ACSM2A: variants seen among roughly 807,000 people sequenced by gnomAD.
The protein encoded by ACSM2A is acyl-coenzyme A synthetase ACSM2A, mitochondrial.
In ACSM2A, 72 loss-of-function variants were observed where a neutral mutation model predicts 76.6. The observed-to-expected ratio is 0.94, with a 90% confidence interval of 0.78 to 1.14. The LOEUF is 1.14. Ranked by LOEUF, ACSM2A falls within the 50% of genes most tolerant of loss-of-function variation. The pLI, the probability that ACSM2A is intolerant of heterozygous loss-of-function variation, is 0.00. For missense variants in ACSM2A, 684 were observed against 708.5 expected, an observed-to-expected ratio of 0.97 and a Z score of 0.39; for synonymous variants, 249 against 255.9, an observed-to-expected ratio of 0.97 and a Z score of 0.26.
At chr16:20,481,158 A>C (rs562401085) in intron 12 of ACSM2A, 208 of 542,540 alleles carry the variant, frequency 3.8e-4, no homozygotes, top group Admixed American at 1.0e-3. Context: ...TAAAGTACTT[A>C]AGTATGGTGA....
rs2014046472 is a variant in ACSM2A at position 20,480,918 on chromosome 16, A to T, written c.1506A>T (p.Gly502=). Residue 502 remains glycine, a synonymous_variant, in exon 12 of 14, where the codon GGA becomes GGT. Coordinates refer to ENST00000573854, the MANE Select transcript of ACSM2A (RefSeq NM_001308172.2). ...AVISSPDPVR[G]EVVKAFVVLA... is the part of the protein sequence containing the mutation. ...TCAGCAGCCCAGACCCCGTCCGAGG[A>T]GAGGTGATGGGGAAGCAGTAGCCTG... 6.2e-7 allele frequency: 1 copy of T among 1,613,830 alleles called. No homozygotes were observed. Among genetic ancestry groups the T allele is most frequent in the Admixed American group, 1.7e-5 (1 of 60,000 alleles).
rs761377242 is a variant in ACSM2A, at chr16:20,465,564, G to A, written c.225G>A (p.Lys75=). 1.7e-5 allele frequency: 28 copies of A among 1,613,712 alleles called. No homozygotes were observed. Among genetic ancestry groups the A allele is most frequent in the Non-Finnish European group, 1.7e-6 (2 of 1,179,772 alleles). The stretch of plus-strand genomic sequence containing the variant: ...CAGCCCTGTGGTGGGTGAATGGGAA[G>A]GGGAAGGAATTAATGTGGAATTTCA... The part of the protein sequence containing the change: ...PSPALWWVNG[K]GKELMWNFRE... The change falls in exon 3 of 14, where the codon AAG becomes AAA. Residue 75 remains lysine (K), a synonymous_variant. Coordinates refer to ENST00000573854, the MANE Select transcript of ACSM2A (RefSeq NM_001308172.2).
chr16:20,458,697 TA>T (rs1489722766), intron 1 of ACSM2A, among the ~76,000 whole-genome samples: 1 of 140,726 alleles, frequency 7.1e-6, no homozygotes, highest in Non-Finnish European at 1.5e-5. Context: ...TATCTGTCTA[TA>T]TATATATCAT....
intron 8 of ACSM2A, 131 bp downstream of exon 8, chr16:20,475,904 G>A (rs1284667608): frequency 2.0e-6 from 3 of 1,521,548 alleles, no homozygotes; most frequent in South Asian, 2.7e-5. Context: ...CTCTATGAAG[G>A]GACAGGTACT....
intron 2 of ACSM2A, among the ~76,000 whole-genome samples, 163 bp from the exon 3 acceptor site, chr16:20,465,354 T>C (rs548015569): frequency 5.9e-5 from 9 of 152,228 alleles, no homozygotes; most frequent in Admixed American, 6.5e-5. Flanking sequence ...ATAACTCATA[T>C]AAATAACAAG....
intron 4 of ACSM2A, among the ~76,000 whole-genome samples, chr16:20,470,332 G>T (rs2013307541): frequency 1.3e-5 from 2 of 152,140 alleles, no homozygotes; most frequent in African/African-American, 4.8e-5. Flanking sequence ...TCTAAGAGAG[G>T]CTGATCAAGG....
Position 20,469,676 on chromosome 16 carries a change from G to A in ACSM2A, c.553G>A (p.Glu185Lys), listed in dbSNP as rs559312334. ...TCTGAGAATTAAGCTACTGGTGTCT[G>A]AGAAAAGCTGTGATGGGTGGCTGAA... ...PSLRIKLLVSEKSCDGWLNFK... is the reference protein window; with the variant it reads ...PSLRIKLLVSKKSCDGWLNFK... The change falls in exon 4 of 14, where the codon GAG (glutamate) becomes AAG (lysine). Residue 185 changes from glutamate (E) to lysine (K), a missense_variant. Transcript: ENST00000573854. 2 of 1,613,848 alleles carry A rather than the reference G, an allele frequency of 1.2e-6. No individual in the cohort carries two copies. Among genetic ancestry groups the A allele is most frequent in the Admixed American group, 3.3e-5 (2 of 60,006 alleles).
rs765132305 is a variant in ACSM2A at position 20,469,530 on chromosome 16, G to C, written c.407G>C (p.Gly136Ala). The change falls in exon 4 of 14, where the codon GGA becomes GCA. Residue 136 changes from glycine to alanine, a missense_variant. Physicochemically the swap from Gly to Ala is moderately conservative, Grantham distance 60. This residue lies in a region of ACSM2A where 519 missense variants were observed against 549.5 expected (regional missense o/e 0.94). Coordinates refer to ENST00000573854, the MANE Select transcript of ACSM2A (RefSeq NM_001308172.2). ...CIRAGLIFMPGTIQMKSTDIL... is the reference protein window; with the variant it reads ...CIRAGLIFMPATIQMKSTDIL... Reference sequence around the variant, plus strand: ...TCTTTAGGTCTCATCTTTATGCCTGGAACCATCCAGATGAAATCCACTGAC... The same window carrying C: ...TCTTTAGGTCTCATCTTTATGCCTGCAACCATCCAGATGAAATCCACTGAC... 3.7e-6 allele frequency: 6 copies of C among 1,613,068 alleles called. No individual in the cohort carries two copies. Among genetic ancestry groups the C allele is most frequent in the Admixed American group, 3.3e-5 (2 of 59,962 alleles).
chr16:20,481,273 C>T, intron 12 of ACSM2A: 1 of 291,840 alleles, frequency 3.4e-6, no homozygotes, highest in East Asian at 7.5e-5. Context: ...GTCCACACTC[C>T]CATGGTAATT....
In ACSM2A at chr16:20,460,239, C is replaced by A. The variant is rs1165703761; in HGVS notation, c.125C>A (p.Ala42Asp). 1.9e-6 allele frequency: 3 copies of A among 1,613,492 alleles called. No homozygotes were observed. The South Asian group carries it at 3.3e-5, about 18-fold the overall frequency. ...CAGTGGGGCCACCAGGAAGTGCCGG[C>A]CAAGTTTAACTTTGCTAGTGATGTG... ...SLQWGHQEVP[A>D]KFNFASDVLD... Residue 42 changes from alanine (A) to aspartate (D), a missense_variant, in exon 2 of 14, where the codon GCC becomes GAC. This residue lies in a region of ACSM2A where 519 missense variants were observed against 549.5 expected (regional missense o/e 0.94). Transcript: ENST00000573854.
intron 3 of ACSM2A, among the ~76,000 whole-genome samples, chr16:20,467,731 G>A (rs2013099655): frequency 6.6e-6 from 1 of 152,188 alleles, no homozygotes; most frequent in African/African-American, 2.4e-5. Context: ...ATTTGGGCAT[G>A]TTGAGTCCAG....
intron 1 of ACSM2A, among the ~76,000 whole-genome samples, chr16:20,456,527 T>G (rs1264113387): frequency 6.6e-6 from 1 of 151,936 alleles, no homozygotes; most frequent in African/African-American, 2.4e-5. Context: ...TACGTGGAAA[T>G]TAAATAACCT....
chr16:20,477,134 G>C (rs2013789956), intron 8 of ACSM2A: 1 of 576,814 alleles, frequency 1.7e-6, no homozygotes, highest in Non-Finnish European at 2.7e-6. Context: ...TGATTGTTAG[G>C]TCCTCTTCCT....
intron 4 of ACSM2A, among the ~76,000 whole-genome samples, chr16:20,470,464 G>A (rs1156287322): frequency 3.3e-5 from 5 of 152,118 alleles, no homozygotes; most frequent in Admixed American, 2.6e-4. Context: ...CCTCTAGCAG[G>A]GGCACATATG....
Position 20,481,024 on chromosome 16 carries a change from C to T in ACSM2A, c.1509+103C>T, listed in dbSNP as rs547856702. The T allele has an allele frequency of 3.0e-6, 4 of 1,348,624 alleles. No individual in the cohort carries two copies. The Admixed American group carries it at 6.8e-5, about 23-fold the overall frequency. The allele number at this position is 1,348,624 out of a possible 1,614,324, so 83.5% of individuals were successfully genotyped here. The stretch of plus-strand genomic sequence containing the variant: ...ACTGTGGGGCTGAACACTCTGAGAC[C>T]CAATCTTGGCCCTGCCACTTACTAG... On this transcript the variant is annotated intron_variant, in intron 12 of 13. Transcript: ENST00000573854.
At position 20,469,684 on chromosome 16, in the gene ACSM2A, C is replaced by T; in HGVS notation, c.561C>T (p.Ser187=). ...TTAAGCTACTGGTGTCTGAGAAAAG[C>T]TGTGATGGGTGGCTGAACTTCAAGA... The part of the protein sequence containing the change: ...LRIKLLVSEK[S]CDGWLNFKKL... The change falls in exon 4 of 14, where the codon AGC becomes AGT. Residue 187 remains serine (S), a synonymous_variant. Transcript: ENST00000573854. 6.2e-7 allele frequency: 1 copy of T among 1,613,776 alleles called. No individual in the cohort carries two copies. The highest frequency in any genetic ancestry group is 8.5e-7 in the Non-Finnish European group (1 of 1,179,790).
At chr16:20,454,662 G>A (rs2012012943) in intron 1 of ACSM2A, among the ~76,000 whole-genome samples, 1 of 151,892 alleles carries the variant, frequency 6.6e-6, no homozygotes, top group South Asian at 2.1e-4. Context: ...CTGAACAATA[G>A]CCTTGAGCCC....
chr16:20,472,800 G>A (rs2013499421), intron 6 of ACSM2A, among the ~76,000 whole-genome samples: 1 of 152,116 alleles, frequency 6.6e-6, no homozygotes, highest in Non-Finnish European at 1.5e-5. Flanking sequence ...TCCACGTGTT[G>A]CATGTATCAG....
At position 20,465,646 on chromosome 16, in the gene ACSM2A, C is replaced by T; in HGVS notation, c.307C>T (p.Leu103=). 1 of 1,614,010 alleles carries T rather than the reference C, an allele frequency of 6.2e-7. No individual in the cohort carries two copies. The highest frequency in any genetic ancestry group is 8.5e-7 in the Non-Finnish European group (1 of 1,179,872). The change falls in exon 3 of 14, where the codon CTG becomes TTG. Residue 103 remains leucine, a synonymous_variant. Transcript: ENST00000573854. ...AANVLSGACG[L]QRGDRVAVVL... is the part of the protein sequence containing the mutation. ...CAACGTCCTCTCGGGAGCCTGTGGC[C>T]TGCAGCGTGGGGATCGTGTGGCAGT...
Sources: allele counts gnomAD v4.1 joint callset (sites outside exome capture counted in the v4.1 genomes callset), GRCh38; gene constraint gnomAD v4.1.1; regional missense constraint gnomAD v4.1.1; transcripts MANE v1.5; gene names NCBI Gene and HGNC (gene_info 2026-07-23, HGNC 2026-07-21).